The following ATXN10 variants were observed in gnomAD, a reference collection of about 807,000 sequenced individuals.
The protein encoded by ATXN10 is ataxin-10.
A neutral mutation model predicts 52.9 loss-of-function variants in ATXN10; 28 were observed. The observed-to-expected ratio is 0.53, with a 90% CI of 0.39 to 0.73. The LOEUF (loss-of-function observed/expected upper bound fraction) is 0.73. Among genes scored for constraint, ATXN10 ranks in the 30% least tolerant of loss-of-function variants. ATXN10 has a pLI of 0.00. For missense variants in ATXN10, 565 were observed against 577.0 expected (o/e 0.98, Z 0.21); for synonymous variants, 226 against 221.5 (o/e 1.02, Z -0.18).
rs760657603 is a variant in ATXN10, at chr22:45,833,990, A to C, written c.1238-9001A>C. Reference sequence around the variant, plus strand: ...TCTAAGTTTTCTCATCAGTAGAATGAGGATAGTAACGAACATCTACCGCAT... The same window carrying C: ...TCTAAGTTTTCTCATCAGTAGAATGCGGATAGTAACGAACATCTACCGCAT... On this transcript the variant is annotated intron_variant, in intron 10 of 11. Coordinates refer to ENST00000252934, the MANE Select transcript of ATXN10 (RefSeq NM_013236.4). This position sits in a 1 kb window ranked among gnomAD's most constrained non-coding sequence, Gnocchi z 4.3. Among the ~76,000 whole-genome samples the C allele has an allele frequency of 6.6e-6, 1 of 152,232 alleles. No homozygotes were observed. Among genetic ancestry groups the C allele is most frequent in the Admixed American group, 6.5e-5 (1 of 15,290 alleles).
chr22:45,832,227 G>T (rs1337018967), intron 10 of ATXN10, among the ~76,000 whole-genome samples: 1 of 152,160 alleles, frequency 6.6e-6, no homozygotes, highest in Non-Finnish European at 1.5e-5. Context: ...CCTTACCATA[G>T]CCTAAGAATC....
intron 3 of ATXN10, among the ~76,000 whole-genome samples, chr22:45,698,414 T>A (rs777495178): frequency 2.6e-5 from 4 of 152,244 alleles, no homozygotes; most frequent in Non-Finnish European, 5.9e-5. Context: ...AAATCTTCTT[T>A]GGAGAAATGT....
chr22:45,699,533 C>T lies in ATXN10; in HGVS notation c.392-749C>T, dbSNP rs183890595. On this transcript the variant is annotated intron_variant, in intron 3 of 11. Transcript: ENST00000252934. The stretch of plus-strand genomic sequence containing the variant: ...TTGAGACAGGGTCTGGGTCTGTCTC[C>T]CCGGCTGGATGCAGTGGCTTAATCT... Among the ~76,000 whole-genome samples the T allele has an allele frequency of 1.8e-3, 266 of 144,432 alleles. 1 individual carries two copies. Among genetic ancestry groups the T allele is most frequent in the African/African-American group, 6.7e-3 (259 of 38,778 alleles). 94.8% of individuals were successfully genotyped at this position (144,432 alleles called of 152,430 possible). A position where few individuals can be genotyped will look rare whatever the true frequency, so the allele number is the denominator to read the frequency against.
chr22:45,753,092 T>C (rs1324495016), intron 9 of ATXN10, among the ~76,000 whole-genome samples: 1 of 152,134 alleles, frequency 6.6e-6, no homozygotes, highest in Non-Finnish European at 1.5e-5. Flanking sequence ...AAGACACTTA[T>C]TTTCTCTTGG....
intron 3 of ATXN10, among the ~76,000 whole-genome samples, chr22:45,699,160 G>A (rs1044246096): frequency 1.3e-5 from 2 of 152,102 alleles, no homozygotes; most frequent in African/African-American, 4.8e-5. Context: ...TTCTTACTCT[G>A]TAAAAATAAT....
Position 45,840,753 on chromosome 22 carries a change from T to C in ATXN10, c.1238-2238T>C, listed in dbSNP as rs559768811. 2.5e-4 allele frequency among the ~76,000 whole-genome samples: 38 copies of C among 152,350 alleles called. 1 individual carries two copies. The highest frequency in any genetic ancestry group is 2.5e-3 in the Admixed American group (38 of 15,310). On this transcript the variant is annotated intron_variant, in intron 10 of 11. Coordinates refer to ENST00000252934, the MANE Select transcript of ATXN10 (RefSeq NM_013236.4). The surrounding 1 kb of genome is among the most constrained non-coding windows in gnomAD (Gnocchi z 5.8). Reference sequence around the variant, plus strand: ...ACCACCCCTCTGATCTCAGGAGCTCTGAATGCATTATTGGGAATTTCAGCT... The same window carrying C: ...ACCACCCCTCTGATCTCAGGAGCTCCGAATGCATTATTGGGAATTTCAGCT...
At chr22:45,709,483 C>T (rs1430295257) in intron 5 of ATXN10, among the ~76,000 whole-genome samples, 1 of 149,888 alleles carries the variant, frequency 6.7e-6, no homozygotes, top group African/African-American at 2.5e-5. Context: ...CAGTATCTGT[C>T]TCATCTTTGT....
At chr22:45,794,609 A>G (rs929846178) in intron 9 of ATXN10, among the ~76,000 whole-genome samples, 1 of 152,194 alleles carries the variant, frequency 6.6e-6, no homozygotes, top group Non-Finnish European at 1.5e-5. Context: ...TTATAAGAAC[A>G]AAGATAAAAA....
intron 9 of ATXN10, among the ~76,000 whole-genome samples, chr22:45,778,245 T>C (rs925136585): frequency 6.6e-6 from 1 of 152,218 alleles, no homozygotes; most frequent in Non-Finnish European, 1.5e-5. Flanking sequence ...CCTTAATTTT[T>C]CCCCTATTAA....
At chr22:45,713,472 C>T (rs978516663) in intron 5 of ATXN10, among the ~76,000 whole-genome samples, 1 of 152,070 alleles carries the variant, frequency 6.6e-6, no homozygotes, top group African/African-American at 2.4e-5. Context: ...CTGAGGAGTT[C>T]CTTAGGCGAA....
chr22:45,726,657 T>C (rs1396421725), intron 6 of ATXN10, among the ~76,000 whole-genome samples: 2 of 152,210 alleles, frequency 1.3e-5, no homozygotes, highest in East Asian at 3.9e-4. Context: ...TGCTCTGATC[T>C]TTGTTATTTC....
intron 10 of ATXN10, among the ~76,000 whole-genome samples, chr22:45,817,619 C>G (rs1357072827): frequency 6.6e-6 from 1 of 152,086 alleles, no homozygotes; most frequent in East Asian, 1.9e-4. Context: ...GCCACCCTGC[C>G]CAGCCTTAAT....
At chr22:45,716,397 A>G (rs1481532474) in intron 5 of ATXN10, among the ~76,000 whole-genome samples, 1 of 147,888 alleles carries the variant, frequency 6.8e-6, no homozygotes, top group Non-Finnish European at 1.5e-5. Context: ...GTGCAGTGGC[A>G]TGATCTTGGC....
At chr22:45,726,512 A>G (rs1924877493) in intron 6 of ATXN10, among the ~76,000 whole-genome samples, 1 of 151,774 alleles carries the variant, frequency 6.6e-6, no homozygotes, top group Admixed American at 6.6e-5. Flanking sequence ...TAATGTCTCC[A>G]TTTCCGTTTC....
At position 45,750,940 on chromosome 22, in the gene ATXN10, T is replaced by G. The variant is rs1209199159; in HGVS notation, c.1173+10402T>G. ...ATTCTTTCTTTCTTCTACTTTCCTG[T>G]TTTTTTTTGAGACAGAGTCTTGCTT... On this transcript the variant is annotated intron_variant, in intron 9 of 11. Transcript: ENST00000252934. This position sits in a 1 kb window ranked among gnomAD's most constrained non-coding sequence, Gnocchi z 4.2. 3.4e-5 allele frequency among the ~76,000 whole-genome samples: 1 copy of G among 29,680 alleles called. No homozygotes were observed. Among genetic ancestry groups the G allele is most frequent in the Non-Finnish European group, 1.1e-4 (1 of 9,080 alleles). The allele number at this position is 29,680 out of a possible 152,430, so 19.5% of individuals were successfully genotyped here.
intron 9 of ATXN10, among the ~76,000 whole-genome samples, chr22:45,756,893 T>C (rs1230565738): frequency 6.6e-6 from 1 of 152,214 alleles, no homozygotes; most frequent in Non-Finnish European, 1.5e-5. Context: ...GAGGAACCTT[T>C]AAATGAAATC....
At chr22:45,719,505 A>G (rs1225020225) in intron 6 of ATXN10, among the ~76,000 whole-genome samples, 3 of 152,004 alleles carry the variant, frequency 2.0e-5, no homozygotes, top group African/African-American at 7.2e-5. Flanking sequence ...AAGTATTTGT[A>G]GTTTTTTGAC....
In ATXN10 at chr22:45,690,117, A is replaced by T. The variant is rs1372380379; in HGVS notation, c.308+214A>T. ...GTGAGACCCTGTCTCTACAAAAAAAATACAAAAAATTAGCTGGACATGGTG... is the reference window on the plus strand; with the variant it reads ...GTGAGACCCTGTCTCTACAAAAAAATTACAAAAAATTAGCTGGACATGGTG... On this transcript the variant is annotated intron_variant, in intron 2 of 11. Coordinates refer to ENST00000252934, the MANE Select transcript of ATXN10 (RefSeq NM_013236.4). The surrounding 1 kb of genome is among the most constrained non-coding windows in gnomAD (Gnocchi z 4.5). Among the ~76,000 whole-genome samples, 1 of 152,100 alleles carries T rather than the reference A, an allele frequency of 6.6e-6. No individual in the cohort carries two copies. Among genetic ancestry groups the T allele is most frequent in the Non-Finnish European group, 1.5e-5 (1 of 68,016 alleles).
At chr22:45,719,917 G>A (rs1028694684) in intron 6 of ATXN10, among the ~76,000 whole-genome samples, 8 of 152,048 alleles carry the variant, frequency 5.3e-5, no homozygotes, top group African/African-American at 1.9e-4. Flanking sequence ...CACCCTGAGG[G>A]CAAGGATTCA....
Sources: allele counts gnomAD v4.1 joint callset (sites outside exome capture counted in the v4.1 genomes callset), GRCh38; gene constraint gnomAD v4.1.1; non-coding constraint Gnocchi (gnomAD v3.1); transcripts MANE v1.5; gene names NCBI Gene and HGNC (gene_info 2026-07-23, HGNC 2026-07-21).